BACH2: variants seen among roughly 807,000 people sequenced by gnomAD.
BACH2 encodes transcription regulator protein BACH2.
BACH2 carries 5 observed loss-of-function variants against 61.8 expected under a neutral mutation model. That is an observed-to-expected ratio of 0.08 (90% CI 0.04 to 0.17). The LOEUF is 0.17. Among genes scored for constraint, BACH2 ranks in the 10% least tolerant of loss-of-function variants. The pLI is 1.00. For synonymous variants in BACH2, 446 were observed against 440.1 expected, an observed-to-expected ratio of 1.01 and a Z score of -0.17; for missense variants, 824 against 1,091.1, an observed-to-expected ratio of 0.76 and a Z score of 3.45.
intron 7 of BACH2, among the ~76,000 whole-genome samples, chr6:89,949,224 A>G (rs1055248264): frequency 1.3e-5 from 2 of 152,124 alleles, no homozygotes; most frequent in Non-Finnish European, 2.9e-5. Context: ...CAGGAGGACC[A>G]TGTTTCATTT....
At chr6:89,954,565 C>A (rs1269039623) in intron 6 of BACH2, among the ~76,000 whole-genome samples, 1 of 147,904 alleles carries the variant, frequency 6.8e-6, no homozygotes, top group East Asian at 2.0e-4. Context: ...TTACCACTAT[C>A]TTCCACTGTG....
At chr6:90,258,981 C>A (rs558314605) in intron 2 of BACH2, among the ~76,000 whole-genome samples, 2 of 152,072 alleles carry the variant, frequency 1.3e-5, no homozygotes, top group East Asian at 3.9e-4. Flanking sequence ...GGGCTTTTTT[C>A]CCCCCCTACA....
At chr6:90,282,034 A>G (rs1444450569) in intron 1 of BACH2, among the ~76,000 whole-genome samples, 1 of 152,080 alleles carries the variant, frequency 6.6e-6, no homozygotes, top group Admixed American at 6.5e-5. Flanking sequence ...ATTGCCAAAT[A>G]GTATCACAGT....
At chr6:90,255,291 T>C (rs187539058) in intron 2 of BACH2, among the ~76,000 whole-genome samples, 1 of 152,346 alleles carries the variant, frequency 6.6e-6, no homozygotes, top group Non-Finnish European at 1.5e-5. Context: ...TCAACAATTG[T>C]TTACTAAAAA....
intron 4 of BACH2, among the ~76,000 whole-genome samples, chr6:90,155,151 T>C (rs17711850): frequency 0.25 from 37,521 of 152,096 alleles, 5,827 homozygotes; most frequent in Non-Finnish European, 0.35. Context: ...ACAAAGCACA[T>C]GTTTAAAGGG....
chr6:90,117,697 C>A (rs1783460785), intron 4 of BACH2, among the ~76,000 whole-genome samples: 1 of 152,120 alleles, frequency 6.6e-6, no homozygotes, highest in African/African-American at 2.4e-5. Flanking sequence ...ATCCATGAAT[C>A]CCATCAAAGA....
chr6:90,208,498 A>G (rs536287394), intron 3 of BACH2, among the ~76,000 whole-genome samples: 2 of 152,336 alleles, frequency 1.3e-5, no homozygotes, highest in East Asian at 3.9e-4. Flanking sequence ...CAAAACCACA[A>G]TGAGATACCA....
At position 90,054,027 on chromosome 6, in the gene BACH2, C is replaced by T. The variant is rs538574467; in HGVS notation, c.-13+34934G>A. 2.0e-3 allele frequency among the ~76,000 whole-genome samples: 310 copies of T among 152,358 alleles called. 2 individuals are homozygous for T. Among genetic ancestry groups the T allele is most frequent in the African/African-American group, 6.6e-3 (274 of 41,584 alleles). The stretch of plus-strand genomic sequence containing the variant: ...GAATAGGAACAGCTCCGGTCTACAG[C>T]TCCCAGCGTGAGCGATGCAGAAGAT... On this transcript the variant is annotated intron_variant, in intron 5 of 8. Coordinates refer to ENST00000257749, the MANE Select transcript of BACH2 (RefSeq NM_021813.4).
rs901657256 is a variant in BACH2 at position 89,984,521 on chromosome 6, A to G, written c.243+24081T>C. 7.9e-5 allele frequency among the ~76,000 whole-genome samples: 12 copies of G among 152,198 alleles called. No homozygotes were observed. In the South Asian group the frequency reaches 2.3e-3, roughly 29 times the overall value. ...TTGGAAAAAATATATCAGATAACCA[A>G]GAATAGGTGAGTGAAAGAAGCAGAC... On this transcript the variant is annotated intron_variant, in intron 6 of 8. Transcript: ENST00000257749.
chr6:90,115,579 C>A (rs1447647596), intron 4 of BACH2, among the ~76,000 whole-genome samples: 1 of 151,982 alleles, frequency 6.6e-6, no homozygotes, highest in Non-Finnish European at 1.5e-5. Flanking sequence ...GGAAGACAAC[C>A]TGGGCAATAC....
At chr6:90,267,049 G>A (rs72928038) in intron 2 of BACH2, among the ~76,000 whole-genome samples, 16,996 of 152,022 alleles carry the variant, frequency 0.11, 1,268 homozygotes, top group Non-Finnish European at 0.17. Flanking sequence ...CGGATTTCCT[G>A]TAAGCTGATC....
At chr6:90,040,399 C>G (rs979079900) in intron 5 of BACH2, among the ~76,000 whole-genome samples, 3 of 152,066 alleles carry the variant, frequency 2.0e-5, no homozygotes, top group Non-Finnish European at 2.9e-5. Flanking sequence ...GAGATTATTT[C>G]TGGACTCTAT....
intron 4 of BACH2, among the ~76,000 whole-genome samples, chr6:90,109,717 T>G (rs141050070): frequency 1.7e-4 from 26 of 152,278 alleles, no homozygotes; most frequent in Admixed American, 2.6e-4. Context: ...GGGACAAATA[T>G]CTGAAGATGA....
intron 4 of BACH2, among the ~76,000 whole-genome samples, chr6:90,168,620 T>A (rs1767708846): frequency 6.6e-6 from 1 of 152,068 alleles, no homozygotes. Flanking sequence ...TCACAATGCC[T>A]CCAGGCCCAA....
At chr6:90,196,354 A>C (rs1476219362) in intron 4 of BACH2, among the ~76,000 whole-genome samples, 1 of 152,214 alleles carries the variant, frequency 6.6e-6, no homozygotes. Context: ...TTTGTGTATC[A>C]GGCCTCTAAA....
rs59177752 is a variant in BACH2 at position 89,999,448 on chromosome 6, CT to C, written c.243+9153del. Among the ~76,000 whole-genome samples, 395 of 141,628 alleles carry C rather than the reference CT, an allele frequency of 2.8e-3. 4 individuals are homozygous for C. Among genetic ancestry groups the C allele is most frequent in the East Asian group, 0.025 (122 of 4,958 alleles). The allele number at this position is 141,628 out of a possible 152,430, so 92.9% of individuals were successfully genotyped here. ...CAGCCATGATGTCTCTTTGTCACAC[CT>C]TTTTTTTTTTTTTTCCAAGGGTGTA... On this transcript the variant is annotated intron_variant, in intron 6 of 8. Coordinates refer to ENST00000257749, the MANE Select transcript of BACH2 (RefSeq NM_021813.4).
At chr6:90,165,414 A>C (rs1469210265) in intron 4 of BACH2, among the ~76,000 whole-genome samples, 3 of 149,264 alleles carry the variant, frequency 2.0e-5, no homozygotes, top group African/African-American at 7.7e-5. Context: ...AAGAGGATAC[A>C]AACAAATGGA....
intron 1 of BACH2, among the ~76,000 whole-genome samples, chr6:90,294,637 G>C (rs1296641194): frequency 6.6e-6 from 1 of 152,040 alleles, no homozygotes; most frequent in Non-Finnish European, 1.5e-5. Context: ...ATGTCATTTT[G>C]ACTCACGTTT....
intron 7 of BACH2, among the ~76,000 whole-genome samples, chr6:89,942,238 A>G (rs1292298870): frequency 6.6e-6 from 1 of 152,130 alleles, no homozygotes; most frequent in Non-Finnish European, 1.5e-5. Flanking sequence ...TTGTTTCTTG[A>G]GTAATAAGTT....
Sources: allele counts gnomAD v4.1 joint callset (sites outside exome capture counted in the v4.1 genomes callset), GRCh38; gene constraint gnomAD v4.1.1; transcripts MANE v1.5; gene names NCBI Gene and HGNC (gene_info 2026-07-23, HGNC 2026-07-21).